Variants in NUDT9 observed in about 807,000 individuals in gnomAD.
NUDT9 encodes nudix hydrolase 9.
A neutral mutation model predicts 41.0 loss-of-function variants in NUDT9; 31 were observed. That is an observed-to-expected ratio of 0.76 (90% CI 0.57 to 1.02). NUDT9 has a LOEUF of 1.02. Ranked by LOEUF, NUDT9 falls within the 50% of genes least tolerant of loss-of-function variation. NUDT9 has a pLI of 0.00. For synonymous variants in NUDT9, 146 were observed against 147.6 expected, an observed-to-expected ratio of 0.99 and a Z score of 0.08; for missense variants, 380 against 431.4, an observed-to-expected ratio of 0.88 and a Z score of 1.06.
chr4:87,431,263 G>A (rs936128445), intron 1 of NUDT9, among the ~76,000 whole-genome samples: 1 of 152,042 alleles, frequency 6.6e-6, no homozygotes, highest in African/African-American at 2.4e-5. Context: ...TTTATTTCTG[G>A]GTTCTACTTC....
At chr4:87,434,258 G>A (rs1017809505) in intron 1 of NUDT9, 1 of 151,928 alleles carries the variant, frequency 6.6e-6, no homozygotes, top group African/African-American at 2.4e-5. Flanking sequence ...TGAGCAGGCT[G>A]GTCTCGAACT....
Position 87,422,837 on chromosome 4 carries a change from TG to T in NUDT9, c.-65del. 8.2e-7 allele frequency: 1 copy of T among 1,214,766 alleles called. No homozygotes were observed. The highest frequency in any genetic ancestry group is 1.9e-5 in the Admixed American group (1 of 53,868). 75.2% of individuals were successfully genotyped at this position (1,214,766 alleles called of 1,614,324 possible). A position where few individuals can be genotyped will look rare whatever the true frequency, so the allele number is the denominator to read the frequency against. On this transcript the variant is annotated 5_prime_UTR_variant, in exon 1 of 8. Transcript: ENST00000302174. ...TACCCGCGGCCGGGACTCGGAGCTG[TG>T]GGGTGTGGGGAGGCGGAGGCACCAA...
Position 87,424,727 on chromosome 4 carries a change from A to C in NUDT9, c.107+1715A>C, listed in dbSNP as rs139298100. Among the ~76,000 whole-genome samples, 595 of 151,944 alleles carry C rather than the reference A, an allele frequency of 3.9e-3. 5 individuals carry two copies. The highest frequency in any genetic ancestry group is 0.019 in the Admixed American group (289 of 15,270). On this transcript the variant is annotated intron_variant, in intron 1 of 7. Coordinates refer to ENST00000302174, the MANE Select transcript of NUDT9 (RefSeq NM_024047.5). ...CCTTTATCTATCTTTATCTTCTTTT[A>C]GTGGGATTTGAGGAAGGAAGGAATA...
intron 1 of NUDT9, among the ~76,000 whole-genome samples, chr4:87,427,119 CAAAAAAAA>C (rs1183449352): frequency 1.5e-5 from 1 of 66,304 alleles, no homozygotes; most frequent in Non-Finnish European, 3.1e-5. Flanking sequence ...GGCCTTGTCT[CAAAAAAAA>C]AAAAAAAAGT....
intron 4 of NUDT9, among the ~76,000 whole-genome samples, chr4:87,444,686 T>C (rs1161455295): frequency 2.0e-5 from 3 of 152,206 alleles, no homozygotes; most frequent in Non-Finnish European, 1.5e-5. Flanking sequence ...AAGGTTAGAA[T>C]CTAGTTAGCT....
At chr4:87,432,956 G>A (rs1721752016) in intron 1 of NUDT9, among the ~76,000 whole-genome samples, 1 of 152,132 alleles carries the variant, frequency 6.6e-6, no homozygotes, top group Admixed American at 6.5e-5. Flanking sequence ...ATAATGGTTT[G>A]TAGTTTTTTT....
chr4:87,435,357 G>T, intron 2 of NUDT9, 137 bp downstream of exon 2: 2 of 1,018,916 alleles, frequency 2.0e-6, no homozygotes, highest in Non-Finnish European at 1.4e-6. Context: ...TTCCACATTT[G>T]CTTGAATTCT....
At chr4:87,429,751 T>C (rs1721597813) in intron 1 of NUDT9, among the ~76,000 whole-genome samples, 1 of 146,092 alleles carries the variant, frequency 6.8e-6, no homozygotes, top group Non-Finnish European at 1.5e-5. Flanking sequence ...TTCTCTCCTG[T>C]ACTCCCCTTT....
intron 2 of NUDT9, among the ~76,000 whole-genome samples, chr4:87,435,601 A>C (rs1370930147): frequency 6.6e-6 from 1 of 152,180 alleles, no homozygotes; most frequent in Admixed American, 6.5e-5. Flanking sequence ...CAACATAGCT[A>C]GACTTGTGAA....
chr4:87,453,134 G>A (rs193007525), intron 6 of NUDT9, among the ~76,000 whole-genome samples: 123 of 151,956 alleles, frequency 8.1e-4, no homozygotes, highest in African/African-American at 2.8e-3. Context: ...GTTTTTATTT[G>A]GATTGCTTGT....
chr4:87,453,984 C>T (rs566083119), intron 6 of NUDT9, among the ~76,000 whole-genome samples: 2 of 150,936 alleles, frequency 1.3e-5, no homozygotes, highest in South Asian at 2.1e-4. Context: ...CTTAGCCTCC[C>T]GAGTAGCCGG....
At chr4:87,453,375 C>G in intron 6 of NUDT9, among the ~76,000 whole-genome samples, 1 of 152,086 alleles carries the variant, frequency 6.6e-6, no homozygotes, top group East Asian at 1.9e-4. Context: ...TCATATTGCC[C>G]AAATTTGACT....
intron 7 of NUDT9, among the ~76,000 whole-genome samples, chr4:87,455,117 A>G (rs1289226962): frequency 6.6e-6 from 1 of 152,250 alleles, no homozygotes; most frequent in Non-Finnish European, 1.5e-5. Context: ...TGGGGGCACC[A>G]TGCTAGAGAA....
At chr4:87,435,821 A>G (rs756175508) in intron 2 of NUDT9, among the ~76,000 whole-genome samples, 1 of 152,196 alleles carries the variant, frequency 6.6e-6, no homozygotes, top group Non-Finnish European at 1.5e-5. Context: ...ATGATTGACA[A>G]GTAACTATAT....
intron 4 of NUDT9, among the ~76,000 whole-genome samples, chr4:87,448,533 G>A (rs2110185440): frequency 6.6e-6 from 1 of 152,062 alleles, no homozygotes; most frequent in East Asian, 1.9e-4. Context: ...CCAAGCTGGA[G>A]TGTAGTGGCA....
At chr4:87,449,945 C>A (rs185935518) in intron 5 of NUDT9, among the ~76,000 whole-genome samples, 22 of 152,222 alleles carry the variant, frequency 1.4e-4, no homozygotes, top group Non-Finnish European at 2.9e-4. Flanking sequence ...TCATTGCAAC[C>A]TTTGCCTCCT....
At chr4:87,430,953 C>T (rs574206647) in intron 1 of NUDT9, among the ~76,000 whole-genome samples, 1 of 152,216 alleles carries the variant, frequency 6.6e-6, no homozygotes, top group East Asian at 1.9e-4. Context: ...TATAGTCCAG[C>T]TTACCAATTT....
rs1446699720 is a variant in NUDT9, at chr4:87,457,862, T to A, written c.894T>A (p.Leu298=). ...HDETGEIMDN[L]MLEAGDDAGK... ...AACCAGGTGAGATAATGGATAATCTTATGCTAGAAGCTGGAGATGATGCTG... is the reference window on the plus strand; with the variant it reads ...AACCAGGTGAGATAATGGATAATCTAATGCTAGAAGCTGGAGATGATGCTG... The change falls in exon 8 of 8, where the codon CTT becomes CTA. Residue 298 remains leucine, a synonymous_variant. Coordinates refer to ENST00000302174, the MANE Select transcript of NUDT9 (RefSeq NM_024047.5). The A allele has an allele frequency of 6.2e-7, 1 of 1,611,372 alleles. No individual in the cohort carries two copies. The highest frequency in any genetic ancestry group is 2.2e-5 in the East Asian group (1 of 44,544).
intron 4 of NUDT9, among the ~76,000 whole-genome samples, chr4:87,448,138 A>ATTTTTTT (rs1213818782): frequency 5.4e-5 from 5 of 92,398 alleles, no homozygotes; most frequent in Admixed American, 1.3e-4. Context: ...TTAAAAGCAA[A>ATTTTTTT]TTTTTTTTTT....
Sources: allele counts gnomAD v4.1 joint callset (sites outside exome capture counted in the v4.1 genomes callset), GRCh38; gene constraint gnomAD v4.1.1; transcripts MANE v1.5; gene names NCBI Gene and HGNC (gene_info 2026-07-23, HGNC 2026-07-21).